Variants in DPP6 observed in about 807,000 individuals in gnomAD.
DPP6 encodes A-type potassium channel modulatory protein DPP6.
Under a neutral mutation model 122.6 loss-of-function variants are expected in DPP6, and 69 were observed. The ratio of observed to expected loss-of-function variants is 0.56; its 90% CI spans 0.46 to 0.69. DPP6 has a LOEUF of 0.69. Ranked by LOEUF, DPP6 falls within the 30% of genes least tolerant of loss-of-function variation. The pLI is 0.00. For missense variants in DPP6, 928 were observed against 1,116.9 expected, an observed-to-expected ratio of 0.83 and a Z score of 2.41; for synonymous variants, 418 against 433.1, an observed-to-expected ratio of 0.97 and a Z score of 0.43.
intron 1 of DPP6, among the ~76,000 whole-genome samples, chr7:154,176,438 C>T (rs940635458): frequency 6.6e-6 from 1 of 152,058 alleles, no homozygotes; most frequent in African/African-American, 2.4e-5. Flanking sequence ...GCCAGACCAT[C>T]GTTTAAAAAA....
chr7:154,142,290 C>T (rs1795884503), intron 1 of DPP6, among the ~76,000 whole-genome samples: 1 of 151,944 alleles, frequency 6.6e-6, no homozygotes, highest in South Asian at 2.1e-4. Context: ...GAATAAGAAA[C>T]TGGAATTTAG....
At chr7:154,735,730 T>C (rs1842541627) in intron 8 of DPP6, among the ~76,000 whole-genome samples, 1 of 152,084 alleles carries the variant, frequency 6.6e-6, no homozygotes, top group Admixed American at 6.5e-5. Flanking sequence ...GGCCTAAGAG[T>C]TCCATTCCTT....
chr7:154,246,237 G>C (rs1801975648), intron 1 of DPP6, among the ~76,000 whole-genome samples: 8 of 151,392 alleles, frequency 5.3e-5, no homozygotes, highest in Admixed American at 5.3e-4. Context: ...TCTGGATACA[G>C]CTAAAGTAGT....
At chr7:154,643,729 A>T (rs1339532314) in intron 6 of DPP6, among the ~76,000 whole-genome samples, 1 of 152,114 alleles carries the variant, frequency 6.6e-6, no homozygotes, top group Non-Finnish European at 1.5e-5. Flanking sequence ...CGGCCTCCCG[A>T]AGTGCTGGGA....
At chr7:154,440,162 G>T (rs1386205142) in intron 1 of DPP6, among the ~76,000 whole-genome samples, 1 of 152,206 alleles carries the variant, frequency 6.6e-6, no homozygotes, top group African/African-American at 2.4e-5. Flanking sequence ...ATAAACGGAG[G>T]TGTTGGGGAA....
chr7:154,377,871 T>C (rs1813265461), intron 1 of DPP6, among the ~76,000 whole-genome samples: 1 of 152,218 alleles, frequency 6.6e-6, no homozygotes, highest in Admixed American at 6.5e-5. Flanking sequence ...TATAGCATGC[T>C]AGACCAGGCT....
At chr7:154,589,501 C>T (rs1832677485) in intron 5 of DPP6, among the ~76,000 whole-genome samples, 1 of 152,202 alleles carries the variant, frequency 6.6e-6, no homozygotes, top group African/African-American at 2.4e-5. Flanking sequence ...ACCTTTTATG[C>T]GGCAGTGTCC....
intron 1 of DPP6, among the ~76,000 whole-genome samples, chr7:154,077,785 C>CTCAGCCTCTCGAG (rs1803675138): frequency 6.6e-6 from 1 of 151,798 alleles, no homozygotes. Context: ...ATTCTCCTGC[C>CTCAGCCTCTCGAG]TCAGCCTCTC....
the DPP6 span, among the ~76,000 whole-genome samples, chr7:153,856,502 A>C: frequency 6.6e-6 from 1 of 152,228 alleles, no homozygotes; most frequent in African/African-American, 2.4e-5. Flanking sequence ...TATTATGTAC[A>C]AAAAATATTT....
At chr7:154,694,766 A>G (rs1226685068) in intron 7 of DPP6, among the ~76,000 whole-genome samples, 1 of 152,064 alleles carries the variant, frequency 6.6e-6, no homozygotes, top group African/African-American at 2.4e-5. Context: ...TGGGGTTACC[A>G]TTTTCCCATG....
rs34454400 is a variant in DPP6, at chr7:154,241,185, A to ATGCTTGTGTGTG, written c.243+188124_243+188125insCTTGTGTGTGTG. Among the ~76,000 whole-genome samples the ATGCTTGTGTGTG allele has an allele frequency of 2.9e-5, 4 of 136,212 alleles. No individual in the cohort carries two copies. The highest frequency in any genetic ancestry group is 6.2e-5 in the Non-Finnish European group (4 of 64,002). The allele number at this position is 136,212 out of a possible 152,430, so 89.4% of individuals were successfully genotyped here. ...GCACAGTAGGTAATTCAATATCAAT[A>ATGCTTGTGTGTG]TGTGTGTGTGTGTGTGTGTGTGTGT... On this transcript the variant is annotated intron_variant, in intron 1 of 25. Coordinates refer to ENST00000377770, the MANE Select transcript of DPP6 (RefSeq NM_130797.4). The surrounding 1 kb of genome is among the most constrained non-coding windows in gnomAD (Gnocchi z 9.0).
At position 154,769,590 on chromosome 7, in the gene DPP6, C is replaced by A; in HGVS notation, c.1038+19C>A. On this transcript the variant is annotated intron_variant, in intron 9 of 25. Transcript: ENST00000377770. ...TCCCAAGGTAGGCAAAGGGACACCG[C>A]ACAGCAAATTCTTTATATTATTCAT... 6.4e-7 allele frequency: 1 copy of A among 1,566,538 alleles called. No homozygotes were observed. The highest frequency in any genetic ancestry group is 1.9e-5 in the Admixed American group (1 of 53,392).
intron 10 of DPP6, among the ~76,000 whole-genome samples, chr7:154,792,206 ACTG>A (rs1797726137): frequency 6.6e-6 from 1 of 152,260 alleles, no homozygotes; most frequent in African/African-American, 2.4e-5. Flanking sequence ...TGGCTTCGCC[ACTG>A]CCCCCATTGT....
At chr7:154,243,176 A>G (rs1324778004) in intron 1 of DPP6, among the ~76,000 whole-genome samples, 3 of 152,246 alleles carry the variant, frequency 2.0e-5, no homozygotes, top group African/African-American at 4.8e-5. Flanking sequence ...AAAAGAGATT[A>G]TCTAGAATCA....
chr7:154,796,920 A>G (rs1323401367), intron 12 of DPP6, among the ~76,000 whole-genome samples: 1 of 152,208 alleles, frequency 6.6e-6, no homozygotes, highest in African/African-American at 2.4e-5. Context: ...ATGGTTCCAC[A>G]TGGCCACTTT....
intron 4 of DPP6, among the ~76,000 whole-genome samples, chr7:154,560,156 T>C (rs1246078054): frequency 6.6e-6 from 1 of 152,032 alleles, no homozygotes; most frequent in Non-Finnish European, 1.5e-5. Flanking sequence ...TGATAAATGT[T>C]GTCAACATAT....
At chr7:153,838,095 C>A in the DPP6 span, among the ~76,000 whole-genome samples, 1 of 151,870 alleles carries the variant, frequency 6.6e-6, no homozygotes, top group Admixed American at 6.6e-5. Flanking sequence ...CATAATAGGG[C>A]CAGTATAAAA....
At chr7:154,341,635 GTAA>G (rs1809943775) in intron 1 of DPP6, among the ~76,000 whole-genome samples, 2 of 151,530 alleles carry the variant, frequency 1.3e-5, no homozygotes, top group Non-Finnish European at 2.9e-5. Context: ...ATAATAATAT[GTAA>G]TAATAATCCT....
chr7:153,816,178 G>A, the DPP6 span, among the ~76,000 whole-genome samples: 1 of 152,004 alleles, frequency 6.6e-6, no homozygotes, highest in East Asian at 1.9e-4. Flanking sequence ...TAGAATAAAA[G>A]CAATAAAAGC....
Sources: gnomAD v4.1 joint callset for allele counts (sites outside exome capture counted in the v4.1 genomes callset) on GRCh38, gnomAD v4.1.1 for gene constraint, Gnocchi (gnomAD v3.1) non-coding constraint, MANE v1.5 for transcripts, NCBI Gene and HGNC (gene_info 2026-07-23, HGNC 2026-07-21) for gene names.